Variants in NEBL observed in about 807,000 individuals in gnomAD.
The protein encoded by NEBL is nebulette, also known as LIM and SH3 protein 2.
Under a neutral mutation model 140.2 loss-of-function variants are expected in NEBL, and 122 were observed. That is an observed-to-expected ratio of 0.87 (90% CI 0.75 to 1.01). The LOEUF is 1.01. Ranked by LOEUF, NEBL falls within the 50% of genes least tolerant of loss-of-function variation. The pLI is 0.00. For missense variants in NEBL, 1,365 were observed against 1,231.3 expected (o/e 1.11, Z -1.62); for synonymous variants, 436 against 398.9 (o/e 1.09, Z -1.11).
chr10:20,924,031 C>A (rs1334819489), intron 4 of NEBL, among the ~76,000 whole-genome samples: 2 of 152,086 alleles, frequency 1.3e-5, no homozygotes, highest in Non-Finnish European at 2.9e-5. Context: ...TCTAGGTCCC[C>A]AGGATTTGAA....
intron 3 of NEBL, among the ~76,000 whole-genome samples, chr10:21,226,267 G>A: frequency 6.6e-6 from 1 of 151,536 alleles, no homozygotes; most frequent in East Asian, 2.0e-4. Context: ...GCAAGATAAA[G>A]TCCTCTTTCC....
At chr10:21,056,331 C>A (rs1363443442) in intron 2 of NEBL, among the ~76,000 whole-genome samples, 1 of 152,126 alleles carries the variant, frequency 6.6e-6, no homozygotes, top group East Asian at 1.9e-4. Flanking sequence ...TTATTCAATT[C>A]TTTAATTCAA....
At chr10:21,126,825 ATT>A (rs755447655) in intron 2 of NEBL, among the ~76,000 whole-genome samples, 56 of 151,988 alleles carry the variant, frequency 3.7e-4, no homozygotes, top group Non-Finnish European at 7.2e-4. Context: ...ACAAAAGAAA[ATT>A]AGCCAGGTAT....
At chr10:20,838,697 T>G (rs1441401768) in intron 13 of NEBL, among the ~76,000 whole-genome samples, 1 of 152,108 alleles carries the variant, frequency 6.6e-6, no homozygotes. Context: ...CAAACTTCAT[T>G]GTCATCTTAT....
At position 20,914,969 on chromosome 10, in the gene NEBL, A is replaced by ATTTTTTTTTTTTTTTTTTTTTTTTTT. The variant is rs71390798; in HGVS notation, c.357+46702_357+46703insAAAAAAAAAAAAAAAAAAAAAAAAAA. Among the ~76,000 whole-genome samples the ATTTTTTTTTTTTTTTTTTTTTTTTTT allele has an allele frequency of 2.6e-4, 29 of 111,242 alleles. 1 individual carries two copies. Among genetic ancestry groups the ATTTTTTTTTTTTTTTTTTTTTTTTTT allele is most frequent in the African/African-American group, 9.6e-4 (28 of 29,202 alleles). 73.0% of individuals were successfully genotyped at this position (111,242 alleles called of 152,430 possible). On this transcript the variant is annotated intron_variant, in intron 4 of 6. Transcript: ENST00000417816. ...TACCTCTGCCTCCCAAGTGGCTGGG[A>ATTTTTTTTTTTTTTTTTTTTTTTTTT]TTTTTTTTTTTTTTGGAGAGATGGG...
At chr10:21,107,006 T>A (rs1362093607) in intron 2 of NEBL, among the ~76,000 whole-genome samples, 2 of 152,218 alleles carry the variant, frequency 1.3e-5, no homozygotes, top group East Asian at 3.9e-4. Flanking sequence ...TGTATAGGAA[T>A]GCTTGTGATT....
intron 4 of NEBL, among the ~76,000 whole-genome samples, chr10:20,923,175 C>CT (rs2131506864): frequency 6.6e-6 from 1 of 152,168 alleles, no homozygotes; most frequent in Non-Finnish European, 1.5e-5. Context: ...TCAATCGATC[C>CT]TCCAGCCTCA....
chr10:20,862,216 G>T (rs754896316), intron 7 of NEBL, among the ~76,000 whole-genome samples: 1 of 152,092 alleles, frequency 6.6e-6, no homozygotes, highest in Non-Finnish European at 1.5e-5. Context: ...TAATCAATCT[G>T]TTATTCATAT....
At chr10:20,935,398 G>A (rs1012086547) in intron 4 of NEBL, among the ~76,000 whole-genome samples, 4 of 152,184 alleles carry the variant, frequency 2.6e-5, no homozygotes, top group African/African-American at 7.2e-5. Flanking sequence ...ACGATTATCA[G>A]CATCTCTTCA....
chr10:21,291,871 A>C (rs1164711065), intron 1 of NEBL, among the ~76,000 whole-genome samples: 1 of 152,204 alleles, frequency 6.6e-6, no homozygotes, highest in Admixed American at 6.5e-5. Context: ...ACGCCACTGC[A>C]CTCCAGCCAG....
At chr10:21,168,182 T>G (rs1329194652) in intron 2 of NEBL, among the ~76,000 whole-genome samples, 2 of 152,230 alleles carry the variant, frequency 1.3e-5, no homozygotes, top group African/African-American at 4.8e-5. Flanking sequence ...GCAACATATT[T>G]AAACTGAAGA....
At position 21,272,044 on chromosome 10, in the gene NEBL, G is replaced by A. The variant is rs192379131; in HGVS notation, n.183-20216C>T. 4.2e-4 allele frequency among the ~76,000 whole-genome samples: 62 copies of A among 147,444 alleles called. 1 individual carries two copies. The East Asian group carries it at 6.9e-3, about 16-fold the overall frequency. The stretch of plus-strand genomic sequence containing the variant: ...GTAATCTCAGCTCACTGCAAGTTCC[G>A]CCTCCCAGGTTCACACCATTCTTCA... On this transcript the variant is annotated intron_variant and non_coding_transcript_variant, in intron 1 of 8. Transcript: ENST00000675702.
chr10:21,122,601 G>A (rs1357478114), intron 2 of NEBL, among the ~76,000 whole-genome samples: 3 of 152,186 alleles, frequency 2.0e-5, no homozygotes, highest in Non-Finnish European at 2.9e-5. Context: ...GAGCCTGGGT[G>A]ATTAGAAGAA....
At chr10:20,894,141 G>A (rs1056261557) in intron 2 of NEBL, among the ~76,000 whole-genome samples, 2 of 152,198 alleles carry the variant, frequency 1.3e-5, no homozygotes, top group South Asian at 2.1e-4. Context: ...GCTGCACCAT[G>A]AAGAGAAGTC....
intron 3 of NEBL, among the ~76,000 whole-genome samples, chr10:21,220,838 A>C (rs1842056754): frequency 6.6e-6 from 1 of 152,228 alleles, no homozygotes; most frequent in Non-Finnish European, 1.5e-5. Context: ...AAATGGACAA[A>C]GGACCTGAAT....
intron 3 of NEBL, among the ~76,000 whole-genome samples, chr10:21,227,349 A>G (rs1334184284): frequency 6.6e-6 from 1 of 152,248 alleles, no homozygotes; most frequent in Non-Finnish European, 1.5e-5. Flanking sequence ...TATACCATTT[A>G]TATACCTACT....
chr10:21,043,764 A>G (rs574326092), intron 2 of NEBL, among the ~76,000 whole-genome samples: 76 of 152,228 alleles, frequency 5.0e-4, no homozygotes, highest in Admixed American at 1.0e-3. Context: ...AATAATTAGG[A>G]TGTATCAAAT....
rs556787550 is a variant in NEBL, at chr10:20,789,857, A to G, written c.2762-2549T>C. Among the ~76,000 whole-genome samples, 9 of 150,746 alleles carry G rather than the reference A, an allele frequency of 6.0e-5. No individual in the cohort carries two copies. The East Asian group carries it at 1.8e-3, about 29-fold the overall frequency. On this transcript the variant is annotated intron_variant, in intron 26 of 27. Transcript: ENST00000377122. ...AGAGCAATCTTATCTCAAATTTTAT[A>G]TATATATATACATACACATACACAC...
At chr10:20,839,120 C>T (rs1348953842) in intron 13 of NEBL, among the ~76,000 whole-genome samples, 1 of 152,130 alleles carries the variant, frequency 6.6e-6, no homozygotes, top group Non-Finnish European at 1.5e-5. Flanking sequence ...CACCTGACAC[C>T]TTCTTCCAGT....
Sources: gnomAD v4.1 joint callset for allele counts (sites outside exome capture counted in the v4.1 genomes callset) on GRCh38, gnomAD v4.1.1 for gene constraint, MANE v1.5 for transcripts, NCBI Gene and HGNC (gene_info 2026-07-23, HGNC 2026-07-21) for gene names.